Variants in GRIK2 observed in about 807,000 individuals in gnomAD.
GRIK2 encodes the protein glutamate receptor ionotropic, kainate 2.
GRIK2 carries 32 observed loss-of-function variants against 100.3 expected under a neutral mutation model. The observed-to-expected ratio is 0.32, with a 90% CI of 0.24 to 0.43. The LOEUF is 0.43. Among genes scored for constraint, GRIK2 ranks in the 20% least tolerant of loss-of-function variants. The pLI is 1.00. For synonymous variants in GRIK2, 417 were observed against 389.4 expected (o/e 1.07, Z -0.83); for missense variants, 843 against 1,114.9 (o/e 0.76, Z 3.47).
At chr6:101,792,432 G>C (rs1026124421) in intron 7 of GRIK2, among the ~76,000 whole-genome samples, 6 of 151,832 alleles carry the variant, frequency 4.0e-5, no homozygotes, top group Non-Finnish European at 7.4e-5. Flanking sequence ...GCATTTGCTT[G>C]TCTGTAAAGT....
chr6:101,768,397 T>C (rs993509463), intron 7 of GRIK2, among the ~76,000 whole-genome samples: 1 of 152,182 alleles, frequency 6.6e-6, no homozygotes, highest in Non-Finnish European at 1.5e-5. Flanking sequence ...TCCCCAGTGA[T>C]ATTACCACCT....
intron 10 of GRIK2, among the ~76,000 whole-genome samples, chr6:101,836,555 T>C (rs1293700521): frequency 1.3e-5 from 2 of 150,064 alleles, no homozygotes; most frequent in African/African-American, 4.9e-5. Flanking sequence ...TTTAAAAATA[T>C]GGTTATTAGC....
intron 10 of GRIK2, among the ~76,000 whole-genome samples, chr6:101,830,306 C>T (rs1782597358): frequency 6.6e-6 from 1 of 151,836 alleles, no homozygotes; most frequent in East Asian, 1.9e-4. Context: ...AATCTAAGGC[C>T]TCAAACTGTA....
chr6:101,494,886 A>G (rs983971497), intron 2 of GRIK2, among the ~76,000 whole-genome samples: 4 of 150,780 alleles, frequency 2.7e-5, no homozygotes, highest in Admixed American at 6.6e-5. Context: ...GTGAGCTGAG[A>G]TTGAGCCAAT....
intron 14 of GRIK2, among the ~76,000 whole-genome samples, chr6:101,998,812 C>CT (rs755522043): frequency 0.32 from 35,748 of 110,522 alleles, 5,972 homozygotes; most frequent in South Asian, 0.43. Flanking sequence ...TTTTTCTTTT[C>CT]TTTTTTTTTT....
rs566954057 is a variant in GRIK2 at position 101,511,722 on chromosome 6, A to C, written c.116-110227A>C. Among the ~76,000 whole-genome samples, 16 of 152,144 alleles carry C rather than the reference A, an allele frequency of 1.1e-4. No individual in the cohort carries two copies. The South Asian group carries it at 2.9e-3, about 28-fold the overall frequency. On this transcript the variant is annotated intron_variant, in intron 2 of 16. Coordinates refer to ENST00000369134, the MANE Select transcript of GRIK2 (RefSeq NM_021956.5). ...TAGTTCTGATTTCTAAGATCATTTT[A>C]AATTATAGTTATATGATAAAACAAC...
intron 2 of GRIK2, among the ~76,000 whole-genome samples, chr6:101,504,459 T>C (rs1773920928): frequency 1.3e-5 from 2 of 152,070 alleles, no homozygotes; most frequent in African/African-American, 4.8e-5. Flanking sequence ...GATTGTATTT[T>C]TTAATCTGAA....
rs71797313 is a variant in GRIK2 at position 101,565,915 on chromosome 6, TTATA to T, written c.116-56020_116-56017del. ...CAATCTTTATCTTTATATACCTATT[TTATA>T]TATATATATATATGTGTATATATAT... On this transcript the variant is annotated intron_variant, in intron 2 of 16. Coordinates refer to ENST00000369134, the MANE Select transcript of GRIK2 (RefSeq NM_021956.5). 9.3e-3 allele frequency among the ~76,000 whole-genome samples: 1,142 copies of T among 123,308 alleles called. 41 individuals are homozygous for T. Among genetic ancestry groups the T allele is most frequent in the Admixed American group, 0.053 (661 of 12,390 alleles). 80.9% of individuals were successfully genotyped at this position (123,308 alleles called of 152,430 possible).
chr6:101,686,212 A>T lies in GRIK2; in HGVS notation c.810A>T (p.Arg270=). ...DLFALDVEPY[R]YSGVNMTGFR... ...TTGCTCTTGATGTTGAGCCCTACCGATACAGTGGTGTTAACATGACAGGGT... is the reference window on the plus strand; with the variant it reads ...TTGCTCTTGATGTTGAGCCCTACCGTTACAGTGGTGTTAACATGACAGGGT... Residue 270 remains arginine, a synonymous_variant, in exon 7 of 17, where the codon CGA becomes CGT. Coordinates refer to ENST00000369134, the MANE Select transcript of GRIK2 (RefSeq NM_021956.5). The T allele has an allele frequency of 6.2e-7, 1 of 1,612,858 alleles. No homozygotes were observed. The highest frequency in any genetic ancestry group is 2.2e-5 in the East Asian group (1 of 44,796).
chr6:101,577,162 C>A (rs76428946), intron 2 of GRIK2, among the ~76,000 whole-genome samples: 40 of 143,808 alleles, frequency 2.8e-4, no homozygotes, highest in African/African-American at 6.3e-4. Context: ...CATATGGATA[C>A]AAAAAAAAAA....
chr6:101,635,928 T>C (rs1582868285), intron 4 of GRIK2, among the ~76,000 whole-genome samples: 1 of 152,290 alleles, frequency 6.6e-6, no homozygotes, highest in East Asian at 1.9e-4. Context: ...TCAACCATTG[T>C]GGAAGACAGT....
intron 14 of GRIK2, among the ~76,000 whole-genome samples, chr6:101,940,667 T>C (rs1790902488): frequency 6.6e-6 from 1 of 152,090 alleles, no homozygotes; most frequent in African/African-American, 2.4e-5. Context: ...TTTGTCTTAT[T>C]TCCCTTCTTT....
intron 2 of GRIK2, among the ~76,000 whole-genome samples, chr6:101,452,036 T>C (rs898268970): frequency 6.6e-6 from 1 of 151,840 alleles, no homozygotes; most frequent in African/African-American, 2.4e-5. Flanking sequence ...TCATGCTATG[T>C]ATATATTTAA....
rs192722353 is a variant in GRIK2, at chr6:102,058,948, C to T, written c.2562+3368C>T. On this transcript the variant is annotated intron_variant, in intron 16 of 16. Coordinates refer to ENST00000369134, the MANE Select transcript of GRIK2 (RefSeq NM_021956.5). ...AAATTTATAAATAATGAATATCTTTCCATATTAAGTCTTACTTTTAATGAT... is the reference window on the plus strand; with the variant it reads ...AAATTTATAAATAATGAATATCTTTTCATATTAAGTCTTACTTTTAATGAT... 4.4e-4 allele frequency among the ~76,000 whole-genome samples: 66 copies of T among 151,078 alleles called. 2 individuals are homozygous for T. In the Middle Eastern group the frequency reaches 0.041, roughly 95 times the overall value.
intron 7 of GRIK2, among the ~76,000 whole-genome samples, chr6:101,790,103 C>T (rs530533157): frequency 4.7e-4 from 72 of 152,160 alleles, no homozygotes; most frequent in African/African-American, 1.6e-3. Flanking sequence ...AAGGAGATAT[C>T]GGGCTGAGAC....
intron 11 of GRIK2, among the ~76,000 whole-genome samples, chr6:101,882,863 G>A (rs1435240321): frequency 6.6e-6 from 1 of 151,984 alleles, no homozygotes; most frequent in Admixed American, 6.6e-5. Flanking sequence ...TACCTAGTGA[G>A]TGCTGACATA....
chr6:101,806,527 A>G (rs1323297271), intron 9 of GRIK2, among the ~76,000 whole-genome samples: 1 of 151,920 alleles, frequency 6.6e-6, no homozygotes, highest in Non-Finnish European at 1.5e-5. Context: ...AAATGCTTTC[A>G]TAGATTCTCA....
intron 11 of GRIK2, among the ~76,000 whole-genome samples, chr6:101,887,464 C>T (rs1011048658): frequency 8.5e-5 from 12 of 141,026 alleles, no homozygotes; most frequent in Non-Finnish European, 1.8e-4. Flanking sequence ...TGTAGTCAAC[C>T]CTCCAAACAC....
intron 2 of GRIK2, among the ~76,000 whole-genome samples, chr6:101,550,620 A>T (rs1026636620): frequency 1.3e-5 from 2 of 152,150 alleles, no homozygotes; most frequent in Admixed American, 1.3e-4. Flanking sequence ...AGCTGTCTTC[A>T]ATTATGCCAG....
Sources: gnomAD v4.1 joint callset for allele counts (sites outside exome capture counted in the v4.1 genomes callset) on GRCh38, gnomAD v4.1.1 for gene constraint, MANE v1.5 for transcripts, NCBI Gene and HGNC (gene_info 2026-07-23, HGNC 2026-07-21) for gene names.